ITGB4: variants seen among roughly 807,000 people sequenced by gnomAD.
ITGB4 encodes the protein integrin beta-4.
Under a neutral mutation model 207.6 loss-of-function variants are expected in ITGB4, and 159 were observed. The ratio of observed to expected loss-of-function variants is 0.77; its 90% confidence interval spans 0.67 to 0.87. The LOEUF (loss-of-function observed/expected upper bound fraction) is 0.87. ITGB4 is among the 40% of genes least tolerant of loss of function. ITGB4 has a pLI of 0.00. For synonymous variants in ITGB4, 1,020 were observed against 1,062.7 expected, an observed-to-expected ratio of 0.96 and a Z score of 0.78; for missense variants, 2,278 against 2,546.8, an observed-to-expected ratio of 0.89 and a Z score of 2.27.
intron 26 of ITGB4, among the ~76,000 whole-genome samples, chr17:75,747,847 G>A (rs900194100): frequency 2.0e-5 from 3 of 152,156 alleles, no homozygotes; most frequent in African/African-American, 4.8e-5. Context: ...TATCCATGTA[G>A]GTTGCTTGCA....
At position 75,743,700 on chromosome 17, in the gene ITGB4, GGGCTCCTT is replaced by G; in HGVS notation, c.2963-11_2963-4del. On this transcript the variant is annotated splice_polypyrimidine_tract_variant and splice_region_variant and intron_variant, in intron 25 of 39. Coordinates refer to ENST00000200181, the MANE Select transcript of ITGB4 (RefSeq NM_000213.5). ...GCCCAGCACACTCTGACAAATGCCC[GGGCTCCTT>G]GCAGCCAGAGACGTGGTGTCCTTTG... 6.2e-7 allele frequency: 1 copy of G among 1,613,438 alleles called. No homozygotes were observed. Among genetic ancestry groups the G allele is most frequent in the African/African-American group, 1.3e-5 (1 of 75,028 alleles).
intron 12 of ITGB4, 96 bp from the exon 13 acceptor site, chr17:75,733,394 A>T (rs983849093): frequency 1.1e-5 from 12 of 1,083,422 alleles, no homozygotes; most frequent in Non-Finnish European, 1.6e-5. Flanking sequence ...TCAAAAAAAA[A>T]AATAAAATAA....
At chr17:75,753,735 GT>G (rs2061421733) in intron 32 of ITGB4, 29 bp from the exon 33 acceptor site, 1 of 1,372,544 alleles carries the variant, frequency 7.3e-7, no homozygotes, top group East Asian at 2.8e-5. Flanking sequence ...CCCCCCGGCG[GT>G]GCCAACGCGG....
Position 75,750,305 on chromosome 17 carries a change from G to A in ITGB4, c.3474+37G>A, listed in dbSNP as rs985206031. ...GGCTGAGGGTCACGACAGGTGGATGGGCGGTCTGGCACCAGCACTCACAGA... is the reference window on the plus strand; with the variant it reads ...GGCTGAGGGTCACGACAGGTGGATGAGCGGTCTGGCACCAGCACTCACAGA... On this transcript the variant is annotated intron_variant, in intron 28 of 39. Coordinates refer to ENST00000200181, the MANE Select transcript of ITGB4 (RefSeq NM_000213.5). This position sits in a 1 kb window ranked among gnomAD's most constrained non-coding sequence, Gnocchi z 5.5. 1 of 1,578,282 alleles carries A rather than the reference G, an allele frequency of 6.3e-7. No individual in the cohort carries two copies. Among genetic ancestry groups the A allele is most frequent in the African/African-American group, 1.3e-5 (1 of 74,334 alleles).
At chr17:75,751,918 G>A (rs1423255044) in intron 30 of ITGB4, 7 of 559,974 alleles carry the variant, frequency 1.3e-5, no homozygotes, top group South Asian at 3.8e-5. Flanking sequence ...AGGTGACATC[G>A]AGGCCAACTT....
rs1275959765 is a variant in ITGB4, at chr17:75,754,628, C to G, written c.4371C>G (p.Ser1457=). The G allele has an allele frequency of 6.2e-7, 1 of 1,613,904 alleles. No individual in the cohort carries two copies. The highest frequency in any genetic ancestry group is 1.7e-5 in the Admixed American group (1 of 60,000). ...MDFAFPGSTN[S]LHRMTTTSAA... Reference sequence around the variant, plus strand: ...TTGCCTTCCCGGGCAGCACCAACTCCCTGCACAGGATGACCACGACCAGTG... The same window carrying G: ...TTGCCTTCCCGGGCAGCACCAACTCGCTGCACAGGATGACCACGACCAGTG... The change falls in exon 34 of 40, where the codon TCC becomes TCG. Residue 1457 remains serine (S), a synonymous_variant. Transcript: ENST00000200181.
chr17:75,753,202 C>A (rs530286238), intron 32 of ITGB4, among the ~76,000 whole-genome samples: 1 of 152,350 alleles, frequency 6.6e-6, no homozygotes, highest in Non-Finnish European at 1.5e-5. Context: ...TCTGTCCCTG[C>A]CGATGCCTCA....
chr17:75,743,846 C>G lies in ITGB4; in HGVS notation c.3096C>G (p.Thr1032=). 6.3e-7 allele frequency: 1 copy of G among 1,595,956 alleles called. No individual in the cohort carries two copies. The highest frequency in any genetic ancestry group is 8.5e-7 in the Non-Finnish European group (1 of 1,172,026). Residue 1032 remains threonine (T), a synonymous_variant, in exon 26 of 40, where the codon ACC becomes ACG. Coordinates refer to ENST00000200181, the MANE Select transcript of ITGB4 (RefSeq NM_000213.5). The part of the protein sequence containing the change: ...SQVSYRTQDG[T]AQGNRDYIPV... Reference sequence around the variant, plus strand: ...TCTCCTACCGCACACAGGATGGCACCGCGCAGGGCAACCGGGTGAGGCTGC... The same window carrying G: ...TCTCCTACCGCACACAGGATGGCACGGCGCAGGGCAACCGGGTGAGGCTGC...
chr17:75,749,564 A>C (rs1822899097), intron 27 of ITGB4, among the ~76,000 whole-genome samples: 1 of 152,156 alleles, frequency 6.6e-6, no homozygotes, highest in Non-Finnish European at 1.5e-5. Context: ...CTGAAATTCA[A>C]ATGTAACTAG....
chr17:75,730,356 A>G lies in ITGB4; in HGVS notation c.854A>G (p.Asp285Gly), dbSNP rs2060824136. 1 of 1,613,736 alleles carries G rather than the reference A, an allele frequency of 6.2e-7. No individual in the cohort carries two copies. Among genetic ancestry groups the G allele is most frequent in the Admixed American group, 1.7e-5 (1 of 60,004 alleles). ...CTGGCTGGCATCATGAGCCGCAACG[A>G]TGAACGGTGCCACCTGGACACCACG... ...NVLAGIMSRN[D>G]ERCHLDTTGT... The change falls in exon 8 of 40, where the codon GAT becomes GGT. Residue 285 changes from aspartate (D) to glycine (G), a missense_variant. By Grantham distance (94) the Asp-to-Gly change is moderately conservative. Transcript: ENST00000200181.
Position 75,756,363 on chromosome 17 carries a change from G to A in ITGB4, c.4709-66G>A, listed in dbSNP as rs570241886. ...TAGGTCTCGATGGCAGCTTAGGGACGAGGAGGATCAGGCCAGGGGTGGGAG... is the reference window on the plus strand; with the variant it reads ...TAGGTCTCGATGGCAGCTTAGGGACAAGGAGGATCAGGCCAGGGGTGGGAG... On this transcript the variant is annotated intron_variant, in intron 35 of 39. Transcript: ENST00000200181. 1,360 of 1,575,162 alleles carry A rather than the reference G, an allele frequency of 8.6e-4. 2 individuals carry two copies. Among genetic ancestry groups the A allele is most frequent in the Middle Eastern group, 3.8e-3 (23 of 5,984 alleles).
At position 75,753,730 on chromosome 17, in the gene ITGB4, C is replaced by G. The variant is rs7223816; in HGVS notation, c.4109-35C>G. 2.5e-3 allele frequency: 3,403 copies of G among 1,350,658 alleles called. 72 individuals are homozygous for G. The African/African-American group carries it at 0.045, about 18-fold the overall frequency. The allele number at this position is 1,350,658 out of a possible 1,614,324, so 83.7% of individuals were successfully genotyped here. A position where few individuals can be genotyped will look rare whatever the true frequency, so the allele number is the denominator to read the frequency against. ...TGGCCCTGCTCGGCCCGGCGCCCCC[C>G]GGCGGTGCCAACGCGGCCCTTCGTT... On this transcript the variant is annotated intron_variant, in intron 32 of 39. Coordinates refer to ENST00000200181, the MANE Select transcript of ITGB4 (RefSeq NM_000213.5).
intron 17 of ITGB4, 40 bp from the exon 18 acceptor site, chr17:75,737,498 G>T: frequency 6.4e-7 from 1 of 1,554,340 alleles, no homozygotes; most frequent in South Asian, 1.2e-5. Context: ...AGCTCGGTGG[G>T]GAGGACAGGC....
intron 35 of ITGB4, 41 bp downstream of exon 35, chr17:75,755,891 C>A (rs1197175430): frequency 6.3e-7 from 1 of 1,587,808 alleles, no homozygotes; most frequent in East Asian, 2.3e-5. Context: ...TGCAGCCCTG[C>A]AAGGCCTGGC....
rs1165365024 is a variant in ITGB4 at position 75,742,292 on chromosome 17, G to A, written c.2634-49G>A. On this transcript the variant is annotated intron_variant, in intron 23 of 39. Transcript: ENST00000200181. This position sits in a 1 kb window ranked among gnomAD's most constrained non-coding sequence, Gnocchi z 5.9. ...GACAGGCAGGAGGGACAGGGCAGCA[G>A]GTGCCAGCCTGACCCCTCCGCTGCC... The A allele has an allele frequency of 1.2e-6, 2 of 1,611,246 alleles. No homozygotes were observed. Among genetic ancestry groups the A allele is most frequent in the Non-Finnish European group, 1.7e-6 (2 of 1,178,818 alleles).
chr17:75,754,536 G>C, intron 33 of ITGB4, 40 bp from the exon 34 acceptor site: 1 of 1,612,348 alleles, frequency 6.2e-7, no homozygotes, highest in Non-Finnish European at 8.5e-7. Flanking sequence ...GCCCGGGTCT[G>C]GGGCAGGCCT....
rs1422404174 is a variant in ITGB4, at chr17:75,742,680, C to G, written c.2881C>G (p.Leu961Val). The change falls in exon 25 of 40, where the codon CTG becomes GTG. Residue 961 changes from leucine to valine, a missense_variant. Physicochemically the swap from Leu to Val is conservative, Grantham distance 32. Coordinates refer to ENST00000200181, the MANE Select transcript of ITGB4 (RefSeq NM_000213.5). The surrounding 1 kb of genome is among the most constrained non-coding windows in gnomAD (Gnocchi z 5.9). ...RPEDDDEKQL[L>V]VEAIDVPAGT... The stretch of plus-strand genomic sequence containing the variant: ...TGAGGATGACGACGAGAAGCAGCTG[C>G]TGGTGGAGGCCATCGACGTGCCCGC... 1.2e-6 allele frequency: 2 copies of G among 1,613,960 alleles called. No individual in the cohort carries two copies. Among genetic ancestry groups the G allele is most frequent in the Middle Eastern group, 1.6e-4 (1 of 6,062 alleles).
rs563551768 is a variant in ITGB4 at position 75,729,758 on chromosome 17, C to T, written c.738+322C>T. 6.6e-6 allele frequency among the ~76,000 whole-genome samples: 1 copy of T among 152,362 alleles called. No individual in the cohort carries two copies. The highest frequency in any genetic ancestry group is 2.1e-4 in the South Asian group (1 of 4,830). ...GAACCCACCAGCTGCCCAGACTCCA[C>T]CTGTTCTGGGCATCCAAATAAGCCA... On this transcript the variant is annotated intron_variant, in intron 7 of 39. Transcript: ENST00000200181. The surrounding 1 kb of genome is among the most constrained non-coding windows in gnomAD (Gnocchi z 4.4).
Position 75,740,811 on chromosome 17 carries a change from C to A in ITGB4, c.2569C>A (p.Gln857Lys), listed in dbSNP as rs1226668442. The change falls in exon 22 of 40, where the codon CAG becomes AAG. Residue 857 changes from glutamine to lysine, a missense_variant. Physicochemically the swap from Gln to Lys is moderately conservative, Grantham distance 53. Transcript: ENST00000200181. This position sits in a 1 kb window ranked among gnomAD's most constrained non-coding sequence, Gnocchi z 5.9. ...CTGGCAGCTGAACGAGGTCTACAGG[C>A]AGATCTCCGGTGTACACAAGCTCCA... ...VEENLNEVYR[Q>K]ISGVHKLQQT... 1 of 1,613,436 alleles carries A rather than the reference C, an allele frequency of 6.2e-7. No individual in the cohort carries two copies. Among genetic ancestry groups the A allele is most frequent in the Non-Finnish European group, 8.5e-7 (1 of 1,179,998 alleles).
Sources: allele counts gnomAD v4.1 joint callset (sites outside exome capture counted in the v4.1 genomes callset), GRCh38; gene constraint gnomAD v4.1.1; non-coding constraint Gnocchi (gnomAD v3.1); transcripts MANE v1.5; gene names NCBI Gene and HGNC (gene_info 2026-07-23, HGNC 2026-07-21).